Variants in GOLGA8S observed in about 807,000 individuals in gnomAD.
GOLGA8S encodes the protein golgin subfamily A member 8S.
A neutral mutation model predicts 58.9 loss-of-function variants in GOLGA8S; 23 were observed. The observed-to-expected ratio is 0.39, with a 90% CI of 0.28 to 0.55. The LOEUF (loss-of-function observed/expected upper bound fraction) is 0.55, where lower values mean the gene tolerates loss of function less well. GOLGA8S is among the 20% of genes least tolerant of loss of function. GOLGA8S has a pLI of 0.63. For synonymous variants in GOLGA8S, 84 were observed against 195.7 expected, an observed-to-expected ratio of 0.43 and a Z score of 4.76; for missense variants, 266 against 514.2, an observed-to-expected ratio of 0.52 and a Z score of 4.67.
chr15:23,360,660 G>T, intron 10 of GOLGA8S, 68 bp from the exon 11 acceptor site: 3 of 1,236,154 alleles, frequency 2.4e-6, no homozygotes, highest in Admixed American at 3.4e-5. Flanking sequence ...GGGGCAGAGA[G>T]GGAGAGGGCA....
At position 23,361,468 on chromosome 15, in the gene GOLGA8S, C is replaced by T; in HGVS notation, c.1110+12C>T. 1 of 773,942 alleles carries T rather than the reference C, an allele frequency of 1.3e-6. No individual in the cohort carries two copies. The highest frequency in any genetic ancestry group is 2.3e-6 in the Non-Finnish European group (1 of 429,426). 47.9% of individuals were successfully genotyped at this position (773,942 alleles called of 1,614,324 possible). On this transcript the variant is annotated intron_variant, in intron 12 of 18. Coordinates refer to ENST00000562295, the Ensembl canonical transcript of GOLGA8S. The stretch of plus-strand genomic sequence containing the variant: ...GCTTCAAGGAGCTGGTGCGTTGCCC[C>T]AGCTGGGGAGCCTGCCCTCCTCCCT...
intron 4 of GOLGA8S, among the ~76,000 whole-genome samples, chr15:23,358,071 A>G (rs1219106831): frequency 1.3e-5 from 2 of 151,122 alleles, no homozygotes; most frequent in African/African-American, 4.9e-5. Context: ...CCTCAGGGCC[A>G]AAGGCTCCTG....
At position 23,359,801 on chromosome 15, in the gene GOLGA8S, G is replaced by C. The variant is rs1343106676; in HGVS notation, c.592-431G>C. Among the ~76,000 whole-genome samples the C allele has an allele frequency of 1.1e-3, 152 of 142,664 alleles. 2 individuals are homozygous for C. The highest frequency in any genetic ancestry group is 3.7e-3 in the African/African-American group (140 of 37,570). 93.6% of individuals were successfully genotyped at this position (142,664 alleles called of 152,430 possible). A position where few individuals can be genotyped will look rare whatever the true frequency, so the allele number is the denominator to read the frequency against. The stretch of plus-strand genomic sequence containing the variant: ...GGCTTAGAGAATTGGATAGATCTGG[G>C]TGTTTAAATCCCAGCTCTGCCTAAG... On this transcript the variant is annotated intron_variant, in intron 8 of 18. Transcript: ENST00000562295.
chr15:23,364,350 T>G (rs777648675), exon 16 of GOLGA8S: 1 of 1,602,346 alleles, frequency 6.2e-7, no homozygotes, highest in Non-Finnish European at 8.5e-7. Flanking sequence ...CAGAGCAGCT[T>G]TATGGACCAC....
intron 11 of GOLGA8S, 32 bp from the exon 12 acceptor site, chr15:23,361,189 C>T (rs764907373): frequency 3.8e-6 from 4 of 1,060,582 alleles, no homozygotes; most frequent in Non-Finnish European, 5.5e-6. Context: ...TTTTGGAATC[C>T]AGAGGCTCTT....
intron 11 of GOLGA8S, 83 bp downstream of exon 11, chr15:23,360,898 G>A: frequency 1.2e-6 from 1 of 868,278 alleles, no homozygotes; most frequent in South Asian, 1.3e-5. Context: ...AGCGAGGTGG[G>A]TGGATGGAAG....
At chr15:23,365,093 C>G (rs1241550041) in exon 19 of GOLGA8S, 1 of 1,584,096 alleles carries the variant, frequency 6.3e-7, no homozygotes, top group Non-Finnish European at 8.6e-7. Context: ...CTGCTGTGTG[C>G]CATTCTTTTG....
At chr15:23,367,539 ATAAAT>A (rs1263524922), downstream of GOLGA8S, among the ~76,000 whole-genome samples, 3 of 150,352 alleles carry the variant, frequency 2.0e-5, no homozygotes, top group African/African-American at 7.3e-5. Context: ...AGTCTGGAAA[ATAAAT>A]TTACTATATT....
downstream of GOLGA8S, chr15:23,366,617 G>A (rs1361576397): frequency 3.3e-5 from 5 of 152,062 alleles, no homozygotes; most frequent in African/African-American, 1.2e-4. Context: ...TCTTTACAAA[G>A]TGAAATATGT....
chr15:23,367,774 C>A (rs1317270497), downstream of GOLGA8S, among the ~76,000 whole-genome samples: 1 of 151,814 alleles, frequency 6.6e-6, no homozygotes, highest in Non-Finnish European at 1.5e-5. Context: ...TCATCAGAAA[C>A]ATAGAATTTT....
rs755328814 is a variant in GOLGA8S, at chr15:23,361,236, C to T, written c.890C>T (p.Pro297Leu). 69 of 1,487,836 alleles carry T rather than the reference C, an allele frequency of 4.6e-5. 4 individuals are homozygous for T. Among genetic ancestry groups the T allele is most frequent in the African/African-American group, 2.4e-4 (17 of 70,476 alleles). 92.2% of individuals were successfully genotyped at this position (1,487,836 alleles called of 1,614,324 possible). The change falls in exon 12 of 19, where the codon CCG becomes CTG. Residue 297 changes from proline (P) to leucine (L), a missense_variant. Pro to Leu is a moderately conservative substitution (Grantham distance 98). Around this residue, in one of 6 missense-constraint regions of GOLGA8S, gnomAD observed 114 missense variants for 120.7 expected, o/e 0.94. Coordinates refer to ENST00000562295, the Ensembl canonical transcript of GOLGA8S. ...CCTTTCTCAGCTGAACCTCTGCCCC[C>T]GGAGCCCCCAGCAGTGCCCTCTGAG... is the stretch of plus-strand genomic sequence containing the variant.
chr15:23,363,618 C>T lies in GOLGA8S; in HGVS notation c.1256-60C>T, dbSNP rs2069844824. On this transcript the variant is annotated intron_variant, in intron 14 of 18. Coordinates refer to ENST00000562295, the Ensembl canonical transcript of GOLGA8S. ...ATGAGGGTGGAGGTAGAGGTGGGCC[C>T]ACAATACTTCCCTTGTTGAGTTGTC... 2 of 338,324 alleles carry T rather than the reference C, an allele frequency of 5.9e-6. 1 individual carries two copies. The highest frequency in any genetic ancestry group is 1.4e-4 in the East Asian group (2 of 14,372). The allele number at this position is 338,324 out of a possible 1,614,324, so 21.0% of individuals were successfully genotyped here.
At chr15:23,361,227 C>G (rs763755056) in exon 12 of GOLGA8S, 8 of 1,471,208 alleles carry the variant, frequency 5.4e-6, no homozygotes, top group African/African-American at 1.4e-5. Context: ...TCAGCTGAAC[C>G]TCTGCCCCCG....
intron 15 of GOLGA8S, 112 bp from the exon 16 acceptor site, chr15:23,364,231 G>A: frequency 6.6e-7 from 1 of 1,518,390 alleles, no homozygotes; most frequent in Non-Finnish European, 8.9e-7. Context: ...CCTGCAGGAA[G>A]TCACGGAGAA....
chr15:23,363,710 G>A lies in GOLGA8S; in HGVS notation c.1288G>A (p.Glu430Lys), dbSNP rs1296084063. Reference sequence around the variant, plus strand: ...AGGAGGACATCTGGACAGTGAGGGGGAGGAGGCACCTCGGCCCATTCCTAG... The same window carrying A: ...AGGAGGACATCTGGACAGTGAGGGGAAGGAGGCACCTCGGCCCATTCCTAG... The change falls in exon 15 of 19, where the codon GAG (glutamate) becomes AAG (lysine). Residue 430 changes from glutamate (E) to lysine (K), a missense_variant. By Grantham distance (56) the Glu-to-Lys change is moderately conservative. Transcript: ENST00000562295. The A allele has an allele frequency of 5.9e-6, 3 of 506,098 alleles. 1 individual carries two copies. The highest frequency in any genetic ancestry group is 1.0e-5 in the Non-Finnish European group (3 of 295,164). The allele number at this position is 506,098 out of a possible 1,614,324, so 31.4% of individuals were successfully genotyped here.
At chr15:23,367,725 T>G (rs1472081115), downstream of GOLGA8S, among the ~76,000 whole-genome samples, 4 of 151,874 alleles carry the variant, frequency 2.6e-5, no homozygotes, top group East Asian at 7.7e-4. Flanking sequence ...ATAAGGCAGC[T>G]TTCAGTTTGC....
At position 23,359,873 on chromosome 15, in the gene GOLGA8S, C is replaced by G. The variant is rs530265092; in HGVS notation, c.592-359C>G. Among the ~76,000 whole-genome samples, 65 of 147,302 alleles carry G rather than the reference C, an allele frequency of 4.4e-4. 3 individuals are homozygous for G. Among genetic ancestry groups the G allele is most frequent in the African/African-American group, 1.4e-3 (53 of 39,162 alleles). On this transcript the variant is annotated intron_variant, in intron 8 of 18. Transcript: ENST00000562295. ...CCTCAAATACTCCATGTTTTTTCATCTACACAATAGAGGTCATCATAGTAA... is the reference window on the plus strand; with the variant it reads ...CCTCAAATACTCCATGTTTTTTCATGTACACAATAGAGGTCATCATAGTAA...
At chr15:23,364,049 G>A (rs2141029496) in intron 15 of GOLGA8S, among the ~76,000 whole-genome samples, 1 of 137,082 alleles carries the variant, frequency 7.3e-6, no homozygotes, top group African/African-American at 2.6e-5. Flanking sequence ...GTCCGCTGGA[G>A]CTAGTGCCCA....
chr15:23,360,662 G>A (rs1281208548), intron 10 of GOLGA8S, 66 bp from the exon 11 acceptor site: 1 of 1,237,182 alleles, frequency 8.1e-7, no homozygotes, highest in South Asian at 1.2e-5. Flanking sequence ...GGCAGAGAGG[G>A]AGAGGGCAGC....
Sources: gnomAD v4.1 joint callset for allele counts (sites outside exome capture counted in the v4.1 genomes callset) on GRCh38, gnomAD v4.1.1 for gene constraint, gnomAD v4.1.1 regional missense constraint, MANE v1.5 for transcripts, NCBI Gene and HGNC (gene_info 2026-07-23, HGNC 2026-07-21) for gene names.